CRPPA: variants seen among roughly 807,000 people sequenced by gnomAD.
CRPPA encodes the protein CDP-L-ribitol pyrophosphorylase A.
In CRPPA, 43 loss-of-function variants were observed where a neutral mutation model predicts 52.0. The observed-to-expected ratio is 0.83, with a 90% confidence interval of 0.65 to 1.07. CRPPA has a LOEUF of 1.07. CRPPA is among the 50% of genes least tolerant of loss of function. The pLI, the probability that CRPPA is intolerant of heterozygous loss-of-function variation, is 0.00. For missense variants in CRPPA, 629 were observed against 551.7 expected, an observed-to-expected ratio of 1.14 and a Z score of -1.40; for synonymous variants, 250 against 203.5, an observed-to-expected ratio of 1.23 and a Z score of -1.94.
intron 3 of CRPPA, among the ~76,000 whole-genome samples, chr7:16,328,856 G>C (rs1224158563): frequency 6.6e-6 from 1 of 152,102 alleles, no homozygotes; most frequent in Non-Finnish European, 1.5e-5. Context: ...CATTTTGAGA[G>C]AGAATATATG....
intron 2 of CRPPA, among the ~76,000 whole-genome samples, chr7:16,399,102 T>C (rs917815792): frequency 1.3e-5 from 2 of 152,060 alleles, no homozygotes; most frequent in African/African-American, 4.8e-5. Context: ...ATAGACGTGA[T>C]CGTCATTTTG....
At chr7:16,317,477 T>C (rs946546244) in intron 3 of CRPPA, among the ~76,000 whole-genome samples, 10 of 152,164 alleles carry the variant, frequency 6.6e-5, no homozygotes, top group Admixed American at 3.3e-4. Flanking sequence ...TGCAGGGAGA[T>C]TGAGGGTTGC....
intron 9 of CRPPA, 36 bp from the exon 10 acceptor site, chr7:16,091,835 A>G: frequency 2.5e-6 from 3 of 1,206,762 alleles, no homozygotes; most frequent in Non-Finnish European, 3.4e-6. Context: ...TATTTTAGAA[A>G]AAACATATGC....
At chr7:16,380,997 C>G (rs1487126821) in intron 2 of CRPPA, among the ~76,000 whole-genome samples, 13 of 151,324 alleles carry the variant, frequency 8.6e-5, no homozygotes, top group Admixed American at 2.0e-4. Flanking sequence ...TCCTTCAGTT[C>G]TGCTCTGATT....
At chr7:16,361,861 T>G (rs922107303) in intron 3 of CRPPA, among the ~76,000 whole-genome samples, 4 of 55,016 alleles carry the variant, frequency 7.3e-5, no homozygotes, top group Non-Finnish European at 1.3e-4. Flanking sequence ...CAAAGTAACT[T>G]TTTTTTTTCT....
At chr7:16,282,124 A>G (rs556871429) in intron 5 of CRPPA, among the ~76,000 whole-genome samples, 185 of 152,154 alleles carry the variant, frequency 1.2e-3, no homozygotes, top group Non-Finnish European at 2.1e-3. Context: ...CTTTTTAAAA[A>G]TGTTTAAGTT....
chr7:16,273,477 G>T (rs1396533402), intron 6 of CRPPA, among the ~76,000 whole-genome samples: 1 of 151,916 alleles, frequency 6.6e-6, no homozygotes. Context: ...ACGGCTTGAC[G>T]GTAGGACCAC....
chr7:16,319,480 C>G (rs192856586), intron 3 of CRPPA, among the ~76,000 whole-genome samples: 20 of 152,200 alleles, frequency 1.3e-4, no homozygotes, highest in Admixed American at 2.6e-4. Context: ...CTTCCTTGAT[C>G]GACTCATTTT....
At chr7:16,162,640 G>C (rs551272742) in intron 9 of CRPPA, among the ~76,000 whole-genome samples, 1 of 152,294 alleles carries the variant, frequency 6.6e-6, no homozygotes, top group African/African-American at 2.4e-5. Flanking sequence ...GTGCTGAGAA[G>C]AATGTATATT....
rs555417365 is a variant in CRPPA at position 16,400,600 on chromosome 7, A to T, written c.534+5461T>A. Among the ~76,000 whole-genome samples, 226 of 152,356 alleles carry T rather than the reference A, an allele frequency of 1.5e-3. 1 individual carries two copies. Among genetic ancestry groups the T allele is most frequent in the Non-Finnish European group, 2.8e-3 (192 of 68,026 alleles). On this transcript the variant is annotated intron_variant, in intron 2 of 9. Coordinates refer to ENST00000407010, the MANE Select transcript of CRPPA (RefSeq NM_001101426.4). Reference sequence around the variant, plus strand: ...GTGACACACAATTGACACGATTGGCATGTGATCAACACAACCGACATGATG... The same window carrying T: ...GTGACACACAATTGACACGATTGGCTTGTGATCAACACAACCGACATGATG...
At chr7:16,306,165 C>A (rs1784906993) in intron 4 of CRPPA, among the ~76,000 whole-genome samples, 1 of 152,182 alleles carries the variant, frequency 6.6e-6, no homozygotes, top group African/African-American at 2.4e-5. Context: ...TCCAGCAGGA[C>A]CTCGTCTTCA....
intron 9 of CRPPA, among the ~76,000 whole-genome samples, chr7:16,176,381 C>G (rs143959137): frequency 3.4e-4 from 52 of 152,144 alleles, no homozygotes; most frequent in African/African-American, 1.1e-3. Context: ...AGCGATTCAC[C>G]AAAGTAGCTA....
At chr7:16,173,729 C>T (rs1283486221) in intron 9 of CRPPA, among the ~76,000 whole-genome samples, 1 of 151,980 alleles carries the variant, frequency 6.6e-6, no homozygotes, top group Non-Finnish European at 1.5e-5. Flanking sequence ...TTGATCCCTA[C>T]AGAAAAAATG....
chr7:16,087,725 A>C lies in CRPPA; in HGVS notation c.*3970T>G, dbSNP rs1781726195. On this transcript the variant is annotated 3_prime_UTR_variant, in exon 10 of 10. Transcript: ENST00000407010. ...CAGCTACTTCTAGTCCACTGATTTT[A>C]AGCCATACTAACAAATCCTATATCA... The C allele has an allele frequency of 6.6e-6, 1 of 152,152 alleles. No homozygotes were observed. The highest frequency in any genetic ancestry group is 2.4e-5 in the African/African-American group (1 of 41,444). The allele number at this position is 152,152 out of a possible 1,614,324, so 9.4% of individuals were successfully genotyped here. A position where few individuals can be genotyped will look rare whatever the true frequency, so the allele number is the denominator to read the frequency against.
Position 16,184,636 on chromosome 7 carries a change from T to C in CRPPA, c.1251+31430A>G, listed in dbSNP as rs145743902. Among the ~76,000 whole-genome samples, 7 of 152,290 alleles carry C rather than the reference T, an allele frequency of 4.6e-5. No homozygotes were observed. The East Asian group carries it at 1.4e-3, about 29-fold the overall frequency. ...ATATAATTCAAAGGCACATGCTGTT[T>C]ATTGAACATTTTATTATAAAACAAA... On this transcript the variant is annotated intron_variant, in intron 9 of 9. Coordinates refer to ENST00000407010, the MANE Select transcript of CRPPA (RefSeq NM_001101426.4).
intron 3 of CRPPA, among the ~76,000 whole-genome samples, chr7:16,360,517 T>G (rs1786416392): frequency 6.6e-6 from 1 of 152,080 alleles, no homozygotes; most frequent in Non-Finnish European, 1.5e-5. Flanking sequence ...GTAGTAGTAG[T>G]AAGTAGTAGC....
intron 9 of CRPPA, among the ~76,000 whole-genome samples, chr7:16,184,104 G>A (rs961821434): frequency 2.6e-5 from 4 of 151,802 alleles, no homozygotes; most frequent in Admixed American, 2.0e-4. Context: ...ACCACGCCCC[G>A]CTAATTTTTT....
intron 3 of CRPPA, among the ~76,000 whole-genome samples, chr7:16,342,770 A>ATCTGC (rs1204379500): frequency 2.7e-4 from 1 of 3,684 alleles, no homozygotes; most frequent in Non-Finnish European, 9.8e-4. Context: ...CCACAAAAAA[A>ATCTGC]AAAAAAAAAA....
At chr7:16,272,223 G>T (rs907248567) in intron 6 of CRPPA, among the ~76,000 whole-genome samples, 1 of 152,104 alleles carries the variant, frequency 6.6e-6, no homozygotes, top group African/African-American at 2.4e-5. Context: ...GCCTGTGAAT[G>T]GGGGGAGTAG....
Sources: allele counts gnomAD v4.1 joint callset (sites outside exome capture counted in the v4.1 genomes callset), GRCh38; gene constraint gnomAD v4.1.1; transcripts MANE v1.5; gene names NCBI Gene and HGNC (gene_info 2026-07-23, HGNC 2026-07-21).